Variants in SFMBT2 observed in about 807,000 individuals in gnomAD.
The protein encoded by SFMBT2 is Scm like with four mbt domains 2, also known as scm-like with four MBT domains protein 2.
In SFMBT2, 38 loss-of-function variants were observed where a neutral mutation model predicts 110.1. The ratio of observed to expected loss-of-function variants is 0.35; its 90% CI spans 0.27 to 0.45. The LOEUF (loss-of-function observed/expected upper bound fraction) is 0.45. Among genes scored for constraint, SFMBT2 ranks in the 20% least tolerant of loss-of-function variants. The pLI, the probability that SFMBT2 is intolerant of heterozygous loss-of-function variation, is 1.00. For missense variants in SFMBT2, 1,011 were observed against 1,094.9 expected (o/e 0.92, Z 1.08); for synonymous variants, 425 against 425.4 (o/e 1.00, Z 0.01).
At chr10:7,278,096 C>T (rs1406180518) in intron 6 of SFMBT2, among the ~76,000 whole-genome samples, 1 of 152,234 alleles carries the variant, frequency 6.6e-6, no homozygotes, top group African/African-American at 2.4e-5. Context: ...CACAACCACA[C>T]ATCCTCTGCG....
rs757849582 is a variant in SFMBT2, at chr10:7,172,611, T to C, written c.2035A>G (p.Ser679Gly). ...KKISKPPIGE[S>G]NPDSGHPKPA... ...TTGGGGTGTCCGCTGTCGGGGTTGC[T>C]TTCCCCGATGGGGGGCTTGGAGATC... The change falls in exon 18 of 21, where the codon AGC (serine) becomes GGC (glycine). Residue 679 changes from serine (S) to glycine (G), a missense_variant. Ser to Gly is a moderately conservative substitution (Grantham distance 56, BLOSUM62 0). Coordinates refer to ENST00000397167, the MANE Select transcript of SFMBT2 (RefSeq NM_001387889.1). The surrounding 1 kb of genome is among the most constrained non-coding windows in gnomAD (Gnocchi z 4.6). 1 of 1,614,236 alleles carries C rather than the reference T, an allele frequency of 6.2e-7. No homozygotes were observed. Among genetic ancestry groups the C allele is most frequent in the Admixed American group, 1.7e-5 (1 of 60,030 alleles).
At chr10:7,296,811 T>A (rs1842418404) in intron 4 of SFMBT2, among the ~76,000 whole-genome samples, 1 of 152,218 alleles carries the variant, frequency 6.6e-6, no homozygotes, top group Non-Finnish European at 1.5e-5. Flanking sequence ...CTCCCTGACG[T>A]GGGTGGGCCT....
intron 7 of SFMBT2, among the ~76,000 whole-genome samples, chr10:7,257,464 A>G (rs1031618127): frequency 1.3e-5 from 2 of 152,204 alleles, no homozygotes; most frequent in East Asian, 3.9e-4. Flanking sequence ...TATAGTCATC[A>G]TGAGTCAGCA....
chr10:7,160,502 AG>A lies in SFMBT2; in HGVS notation c.*3267del, dbSNP rs1837523070. 1 of 152,214 alleles carries A rather than the reference AG, an allele frequency of 6.6e-6. No homozygotes were observed. The highest frequency in any genetic ancestry group is 1.5e-5 in the Non-Finnish European group (1 of 68,054). 9.4% of individuals were successfully genotyped at this position (152,214 alleles called of 1,614,324 possible). A position where few individuals can be genotyped will look rare whatever the true frequency, so the allele number is the denominator to read the frequency against. ...AAGTTCCAAGTGGCATGATGCCCACAGGAAGTAGGCGCACTAAGGAGAGGAC... is the reference window on the plus strand; with the variant it reads ...AAGTTCCAAGTGGCATGATGCCCACAGAAGTAGGCGCACTAAGGAGAGGAC... On this transcript the variant is annotated 3_prime_UTR_variant, in exon 21 of 21. Transcript: ENST00000397167.
chr10:7,181,200 C>G (rs1838237530), intron 16 of SFMBT2, among the ~76,000 whole-genome samples: 1 of 148,386 alleles, frequency 6.7e-6, no homozygotes. Context: ...GATTGTGCCA[C>G]TGCATTCCAG....
intron 1 of SFMBT2, among the ~76,000 whole-genome samples, chr10:7,401,082 G>A (rs1019021291): frequency 3.3e-5 from 5 of 152,030 alleles, no homozygotes; most frequent in South Asian, 2.1e-4. Context: ...GCAACGAGCC[G>A]AGATCGTGCC....
At chr10:7,295,731 C>A (rs1000741607) in intron 4 of SFMBT2, among the ~76,000 whole-genome samples, 2 of 152,184 alleles carry the variant, frequency 1.3e-5, no homozygotes, top group African/African-American at 4.8e-5. Flanking sequence ...AGCCAGGTAT[C>A]AGTCCATTTA....
intron 4 of SFMBT2, chr10:7,348,355 T>C (rs1182160618): frequency 2.0e-6 from 3 of 1,512,948 alleles, no homozygotes; most frequent in Non-Finnish European, 1.8e-6. Context: ...TAATCACAGA[T>C]GGTTTTAATG....
intron 1 of SFMBT2, among the ~76,000 whole-genome samples, chr10:7,394,571 T>G (rs1444677473): frequency 1.4e-5 from 2 of 146,506 alleles, no homozygotes; most frequent in African/African-American, 5.1e-5. Context: ...TCCTTAGGTC[T>G]CTGCAAACAC....
rs1462224036 is a variant in SFMBT2 at position 7,163,012 on chromosome 10, A to C, written c.*758T>G. ...CAGCTACTTGGGAGGCTGAGGCAGG[A>C]GAATCACTTGAACCCGGGAGAGAGA... is the stretch of plus-strand genomic sequence containing the variant. On this transcript the variant is annotated 3_prime_UTR_variant, in exon 21 of 21. Coordinates refer to ENST00000397167, the MANE Select transcript of SFMBT2 (RefSeq NM_001387889.1). The surrounding 1 kb of genome is among the most constrained non-coding windows in gnomAD (Gnocchi z 4.8). The C allele has an allele frequency of 6.6e-6, 1 of 152,654 alleles. No homozygotes were observed. The highest frequency in any genetic ancestry group is 1.5e-5 in the Non-Finnish European group (1 of 68,368). The allele number at this position is 152,654 out of a possible 1,614,324, so 9.5% of individuals were successfully genotyped here. A position where few individuals can be genotyped will look rare whatever the true frequency, so the allele number is the denominator to read the frequency against.
At chr10:7,353,974 C>A (rs1342596460) in intron 4 of SFMBT2, among the ~76,000 whole-genome samples, 8 of 151,728 alleles carry the variant, frequency 5.3e-5, no homozygotes, top group Admixed American at 4.6e-4. Flanking sequence ...GTAATCTCAG[C>A]TACTTGGGAG....
At chr10:7,342,125 C>T (rs1310941101) in intron 4 of SFMBT2, among the ~76,000 whole-genome samples, 1 of 150,978 alleles carries the variant, frequency 6.6e-6, no homozygotes, top group African/African-American at 2.4e-5. Flanking sequence ...ATTGTGAAGG[C>T]TCCAAGGTCT....
chr10:7,330,313 G>A (rs560935468), intron 4 of SFMBT2, among the ~76,000 whole-genome samples: 7 of 152,172 alleles, frequency 4.6e-5, no homozygotes, highest in South Asian at 4.1e-4. Flanking sequence ...TGAGACTTCC[G>A]TTAAAATCAC....
chr10:7,167,739 C>G (rs72773844), intron 20 of SFMBT2, among the ~76,000 whole-genome samples: 3,129 of 152,276 alleles, frequency 0.021, 54 homozygotes, highest in South Asian at 0.042. Flanking sequence ...TGGGCAATGG[C>G]TTTTTATTCC....
intron 9 of SFMBT2, among the ~76,000 whole-genome samples, chr10:7,240,109 A>G (rs1480072622): frequency 6.6e-6 from 1 of 152,194 alleles, no homozygotes; most frequent in African/African-American, 2.4e-5. Flanking sequence ...TAAAAATGGT[A>G]TTGTTACACG....
chr10:7,314,187 T>G (rs539325871), intron 4 of SFMBT2, among the ~76,000 whole-genome samples: 7 of 152,340 alleles, frequency 4.6e-5, no homozygotes, highest in Non-Finnish European at 8.8e-5. Flanking sequence ...CAAACTAGCA[T>G]TTTCCTTCAA....
chr10:7,177,015 C>A (rs1040122854), intron 16 of SFMBT2, among the ~76,000 whole-genome samples: 1 of 152,186 alleles, frequency 6.6e-6, no homozygotes. Flanking sequence ...CTCCTCTCCT[C>A]TAGGTTGGGA....
At position 7,163,532 on chromosome 10, in the gene SFMBT2, C is replaced by A. The variant is rs2131503511; in HGVS notation, c.*238G>T. 1 of 444,896 alleles carries A rather than the reference C, an allele frequency of 2.2e-6. No individual in the cohort carries two copies. The highest frequency in any genetic ancestry group is 4.1e-5 in the East Asian group (1 of 24,540). 27.6% of individuals were successfully genotyped at this position (444,896 alleles called of 1,614,324 possible). On this transcript the variant is annotated 3_prime_UTR_variant, in exon 21 of 21. Transcript: ENST00000397167. The surrounding 1 kb of genome is among the most constrained non-coding windows in gnomAD (Gnocchi z 4.8). ...GGTGAGCCAAGAAGCAGGCCCACGT[C>A]TGGCAGGGTCTGATGCATGACTTTA...
Position 7,205,930 on chromosome 10 carries a change from T to C in SFMBT2, c.1331-2A>G. The C allele has an allele frequency of 6.2e-7, 1 of 1,613,796 alleles. No homozygotes were observed. The highest frequency in any genetic ancestry group is 8.5e-7 in the Non-Finnish European group (1 of 1,179,840). On this transcript the variant is annotated splice_acceptor_variant, in intron 11 of 20. Coordinates refer to ENST00000397167, the MANE Select transcript of SFMBT2 (RefSeq NM_001387889.1). LOFTEE classifies it high-confidence loss of function. The stretch of plus-strand genomic sequence containing the variant: ...CCTCTGGAACAGGAGTCTGCAGCCC[T>C]GCATGGGAAGAAGTTGAAACAAGAG...
Sources: allele counts gnomAD v4.1 joint callset (sites outside exome capture counted in the v4.1 genomes callset), GRCh38; gene constraint gnomAD v4.1.1; non-coding constraint Gnocchi (gnomAD v3.1); transcripts MANE v1.5; gene names NCBI Gene and HGNC (gene_info 2026-07-23, HGNC 2026-07-21).